Variants in ATG5 observed in about 807,000 individuals in gnomAD.
ATG5 encodes the protein autophagy related 5.
A neutral mutation model predicts 36.5 loss-of-function variants in ATG5; 14 were observed. The observed-to-expected ratio is 0.38, with a 90% CI of 0.25 to 0.60. The LOEUF (loss-of-function observed/expected upper bound fraction) is 0.60. ATG5 is among the 20% of genes least tolerant of loss of function. The pLI is 0.60. For synonymous variants in ATG5, 95 were observed against 101.5 expected (o/e 0.94, Z 0.38); for missense variants, 195 against 326.7 (o/e 0.60, Z 3.11).
intron 6 of ATG5, among the ~76,000 whole-genome samples, chr6:106,234,909 A>G (rs981476115): frequency 2.6e-5 from 4 of 152,212 alleles, no homozygotes; most frequent in African/African-American, 9.6e-5. Flanking sequence ...TAGTCCTTCA[A>G]AATTGAAGAG....
intron 3 of ATG5, among the ~76,000 whole-genome samples, chr6:106,306,227 GCAGTGA>G (rs1398587685): frequency 1.3e-5 from 2 of 152,162 alleles, no homozygotes; most frequent in Non-Finnish European, 1.5e-5. Context: ...TCATTGTTTT[GCAGTGA>G]CAAGGAGAAA....
At chr6:106,266,478 C>A (rs201146845) in intron 5 of ATG5, among the ~76,000 whole-genome samples, 3 of 152,080 alleles carry the variant, frequency 2.0e-5, no homozygotes, top group Admixed American at 2.0e-4. Context: ...AAAAGAGGGA[C>A]TCCTCCCTAA....
Position 106,221,699 on chromosome 6 carries a change from A to G in ATG5, c.574-19610T>C, listed in dbSNP as rs926561119. The stretch of plus-strand genomic sequence containing the variant: ...AGACCCTGTCTCAAAAAAAAAAAAA[A>G]AAAGAAAGAAAGAAAAAAAAATCAA... On this transcript the variant is annotated intron_variant, in intron 6 of 7. Transcript: ENST00000369076. Among the ~76,000 whole-genome samples, 360 of 143,728 alleles carry G rather than the reference A, an allele frequency of 2.5e-3. 4 individuals carry two copies. The highest frequency in any genetic ancestry group is 8.5e-3 in the African/African-American group (328 of 38,442). 94.3% of individuals were successfully genotyped at this position (143,728 alleles called of 152,430 possible).
At chr6:106,212,528 ACTC>A (rs1205362065) in intron 6 of ATG5, among the ~76,000 whole-genome samples, 1 of 152,078 alleles carries the variant, frequency 6.6e-6, no homozygotes, top group Non-Finnish European at 1.5e-5. Context: ...AATCCCAGCT[ACTC>A]GGGAGGCTGA....
intron 6 of ATG5, among the ~76,000 whole-genome samples, chr6:106,247,809 T>C (rs1278820720): frequency 6.6e-6 from 1 of 152,238 alleles, no homozygotes; most frequent in Non-Finnish European, 1.5e-5. Context: ...AGCCTCGCTT[T>C]GATCAACCTC....
rs566673590 is a variant in ATG5, at chr6:106,198,676, C to T, written c.691+3296G>A. Among the ~76,000 whole-genome samples the T allele has an allele frequency of 4.3e-3, 648 of 152,042 alleles. 5 individuals are homozygous for T. The highest frequency in any genetic ancestry group is 0.015 in the African/African-American group (616 of 41,468). On this transcript the variant is annotated intron_variant, in intron 7 of 7. Transcript: ENST00000369076. Reference sequence around the variant, plus strand: ...CCTGTAATCCCAGCTACTAGGGAGGCTGAGTCACGAGAATCACTTGAACCC... The same window carrying T: ...CCTGTAATCCCAGCTACTAGGGAGGTTGAGTCACGAGAATCACTTGAACCC...
intron 6 of ATG5, among the ~76,000 whole-genome samples, chr6:106,226,678 T>C (rs1370030952): frequency 6.6e-6 from 1 of 152,192 alleles, no homozygotes; most frequent in African/African-American, 2.4e-5. Context: ...TATATTCTCT[T>C]TATATCAGCT....
At chr6:106,232,471 T>G (rs1401782500) in intron 6 of ATG5, among the ~76,000 whole-genome samples, 3 of 152,006 alleles carry the variant, frequency 2.0e-5, no homozygotes, top group Non-Finnish European at 2.9e-5. Flanking sequence ...GTCCCCTGCT[T>G]GAGGAAGGAA....
At chr6:106,268,082 C>G (rs1463151120) in intron 5 of ATG5, among the ~76,000 whole-genome samples, 1 of 152,120 alleles carries the variant, frequency 6.6e-6, no homozygotes, top group Non-Finnish European at 1.5e-5. Context: ...AAACTATCAT[C>G]AGAGTGAAGA....
At chr6:106,315,637 GTTCT>G (rs1345913442) in intron 2 of ATG5, among the ~76,000 whole-genome samples, 12 of 151,996 alleles carry the variant, frequency 7.9e-5, no homozygotes, top group Non-Finnish European at 1.6e-4. Flanking sequence ...ATGTTTATAT[GTTCT>G]TTAAGCTATA....
intron 5 of ATG5, among the ~76,000 whole-genome samples, chr6:106,254,398 GA>G (rs1389447528): frequency 1.3e-5 from 2 of 152,160 alleles, no homozygotes; most frequent in Non-Finnish European, 2.9e-5. Context: ...TTCAGCCCTA[GA>G]AAGTTCTACG....
chr6:106,200,156 A>C (rs1369814665), intron 7 of ATG5, among the ~76,000 whole-genome samples: 1 of 152,176 alleles, frequency 6.6e-6, no homozygotes, highest in Non-Finnish European at 1.5e-5. Context: ...CAATATTCTC[A>C]GGCTGAATGA....
At chr6:106,320,552 C>T (rs1771023723) in intron 1 of ATG5, among the ~76,000 whole-genome samples, 1 of 151,446 alleles carries the variant, frequency 6.6e-6, no homozygotes. Context: ...AGGCAAGTCA[C>T]TTTACTTCAC....
intron 5 of ATG5, among the ~76,000 whole-genome samples, chr6:106,253,997 T>C (rs1210748008): frequency 1.3e-5 from 2 of 152,148 alleles, no homozygotes; most frequent in African/African-American, 2.4e-5. Flanking sequence ...TATTGCTGCA[T>C]TTCTCTGAGA....
chr6:106,284,240 T>C (rs1015333634), intron 4 of ATG5, among the ~76,000 whole-genome samples: 2 of 152,238 alleles, frequency 1.3e-5, no homozygotes, highest in African/African-American at 2.4e-5. Flanking sequence ...GTATATCATT[T>C]GATGACATAC....
At chr6:106,204,476 A>C (rs977333441) in intron 6 of ATG5, among the ~76,000 whole-genome samples, 6 of 152,188 alleles carry the variant, frequency 3.9e-5, no homozygotes, top group African/African-American at 1.4e-4. Flanking sequence ...TAAAAATATG[A>C]TTGATATCCT....
intron 6 of ATG5, among the ~76,000 whole-genome samples, chr6:106,246,519 C>T (rs1165835841): frequency 6.6e-6 from 1 of 151,734 alleles, no homozygotes; most frequent in African/African-American, 2.4e-5. Flanking sequence ...TCCCCTAAAA[C>T]AGAATAAATT....
chr6:106,194,681 G>C (rs1776108399), intron 7 of ATG5, among the ~76,000 whole-genome samples: 1 of 152,012 alleles, frequency 6.6e-6, no homozygotes, highest in African/African-American at 2.4e-5. Flanking sequence ...GGGATTACAG[G>C]CATGCACCAC....
At chr6:106,260,567 CCT>C (rs762884838) in intron 5 of ATG5, among the ~76,000 whole-genome samples, 18 of 152,090 alleles carry the variant, frequency 1.2e-4, no homozygotes, top group Non-Finnish European at 2.6e-4. Context: ...TCATTTTACC[CCT>C]CTTTTTCATA....
Sources: gnomAD v4.1 joint callset for allele counts (sites outside exome capture counted in the v4.1 genomes callset) on GRCh38, gnomAD v4.1.1 for gene constraint, MANE v1.5 for transcripts, NCBI Gene and HGNC (gene_info 2026-07-23, HGNC 2026-07-21) for gene names.